NEDD4L: variants seen among roughly 807,000 people sequenced by gnomAD.
The protein encoded by NEDD4L is E3 ubiquitin-protein ligase NEDD4-like.
A neutral mutation model predicts 148.9 loss-of-function variants in NEDD4L; 54 were observed. The ratio of observed to expected loss-of-function variants is 0.36; its 90% CI spans 0.29 to 0.45. The LOEUF (loss-of-function observed/expected upper bound fraction) is 0.45, where lower values mean the gene tolerates loss of function less well. NEDD4L is among the 20% of genes least tolerant of loss of function. The pLI, the probability that NEDD4L is intolerant of heterozygous loss-of-function variation, is 1.00. For synonymous variants in NEDD4L, 433 were observed against 440.7 expected (o/e 0.98, Z 0.22); for missense variants, 856 against 1,233.8 (o/e 0.69, Z 4.59).
chr18:58,182,080 C>G (rs958276569), intron 2 of NEDD4L, among the ~76,000 whole-genome samples: 2 of 152,104 alleles, frequency 1.3e-5, no homozygotes, highest in African/African-American at 4.8e-5. Context: ...GATTTTCTCT[C>G]TGGATGCTTG....
chr18:58,064,871 C>T (rs1484499590), intron 1 of NEDD4L, among the ~76,000 whole-genome samples: 2 of 152,050 alleles, frequency 1.3e-5, no homozygotes, highest in Admixed American at 6.6e-5. Context: ...CTTTGGGAGG[C>T]GAAAGGATTG....
At chr18:58,120,331 A>G (rs1322605606) in intron 1 of NEDD4L, among the ~76,000 whole-genome samples, 1 of 152,178 alleles carries the variant, frequency 6.6e-6, no homozygotes, top group Admixed American at 6.5e-5. Flanking sequence ...TGGTTCTGCT[A>G]TTCATTGGCC....
rs1344619659 is a variant in NEDD4L at position 58,391,449 on chromosome 18, C to T, written c.2753-38C>T. Reference sequence around the variant, plus strand: ...ACACCATAGCTTCATTCTTCTGCCCCAAGCAATCTTAACATTTCTTTTTCT... The same window carrying T: ...ACACCATAGCTTCATTCTTCTGCCCTAAGCAATCTTAACATTTCTTTTTCT... On this transcript the variant is annotated intron_variant, in intron 29 of 30. Transcript: ENST00000400345. 6.2e-5 allele frequency: 93 copies of T among 1,491,192 alleles called. No homozygotes were observed. The Admixed American group carries it at 1.5e-3, about 24-fold the overall frequency. 92.4% of individuals were successfully genotyped at this position (1,491,192 alleles called of 1,614,324 possible).
intron 1 of NEDD4L, among the ~76,000 whole-genome samples, chr18:58,068,255 A>G (rs2082708241): frequency 7.1e-6 from 1 of 141,658 alleles, no homozygotes; most frequent in Admixed American, 7.6e-5. Context: ...GCTGGAGTGC[A>G]GTGGCATGAT....
At chr18:58,128,837 A>G (rs1282454008) in intron 1 of NEDD4L, among the ~76,000 whole-genome samples, 1 of 152,106 alleles carries the variant, frequency 6.6e-6, no homozygotes, top group Admixed American at 6.5e-5. Flanking sequence ...TCCTGGTTGA[A>G]CTTGGCCTTT....
At chr18:58,200,867 A>T (rs2041316587) in intron 2 of NEDD4L, among the ~76,000 whole-genome samples, 1 of 152,216 alleles carries the variant, frequency 6.6e-6, no homozygotes, top group East Asian at 1.9e-4. Context: ...ACAGATGCTG[A>T]ATCTATTACT....
At chr18:58,114,869 G>T (rs547112477) in intron 1 of NEDD4L, among the ~76,000 whole-genome samples, 1 of 152,294 alleles carries the variant, frequency 6.6e-6, no homozygotes, top group East Asian at 1.9e-4. Context: ...ATTCCCACAT[G>T]GTCACATCTC....
intron 12 of NEDD4L, 115 bp downstream of exon 12, chr18:58,334,007 A>G (rs1228711495): frequency 1.8e-5 from 11 of 602,538 alleles, no homozygotes; most frequent in African/African-American, 1.9e-5. Flanking sequence ...TATAAATGAG[A>G]TGTTTTTAAA....
At chr18:58,260,025 G>C (rs1323299645) in intron 5 of NEDD4L, among the ~76,000 whole-genome samples, 3 of 151,978 alleles carry the variant, frequency 2.0e-5, no homozygotes, top group African/African-American at 7.3e-5. Flanking sequence ...AAAATAACTC[G>C]AGTATCCAAT....
chr18:58,296,565 T>A (rs1033400427), intron 5 of NEDD4L, among the ~76,000 whole-genome samples: 1 of 152,228 alleles, frequency 6.6e-6, no homozygotes, highest in African/African-American at 2.4e-5. Context: ...GGCTCCAGCC[T>A]CTGCCGCTGG....
intron 20 of NEDD4L, among the ~76,000 whole-genome samples, chr18:58,365,108 C>CCCTCAGA (rs1382326202): frequency 6.6e-6 from 1 of 152,224 alleles, no homozygotes; most frequent in Non-Finnish European, 1.5e-5. Flanking sequence ...CTGGTTCCTC[C>CCCTCAGA]TGCCCGGGAA....
At chr18:58,295,515 A>G (rs1237375998) in intron 5 of NEDD4L, among the ~76,000 whole-genome samples, 3 of 152,222 alleles carry the variant, frequency 2.0e-5, no homozygotes, top group Non-Finnish European at 4.4e-5. Flanking sequence ...TTAGTCATTC[A>G]TCTACTGAAG....
intron 5 of NEDD4L, among the ~76,000 whole-genome samples, chr18:58,275,272 A>G (rs1006746834): frequency 6.6e-5 from 10 of 152,192 alleles, no homozygotes; most frequent in South Asian, 2.1e-4. Flanking sequence ...TGTAAAGTCT[A>G]CATCCTCACT....
chr18:58,271,467 T>TTTCC (rs2051034647), intron 5 of NEDD4L, among the ~76,000 whole-genome samples: 1 of 152,220 alleles, frequency 6.6e-6, no homozygotes, highest in South Asian at 2.1e-4. Flanking sequence ...AATGGCTACC[T>TTTCC]TTCCTCTGAA....
At chr18:58,373,114 C>A (rs2146336027) in intron 23 of NEDD4L, 60 bp from the exon 24 acceptor site, 2 of 872,816 alleles carry the variant, frequency 2.3e-6, no homozygotes, top group Non-Finnish European at 3.8e-6. Context: ...TTAAAGAAGT[C>A]AAATGAGTTT....
chr18:58,166,984 A>G (rs909490184), intron 2 of NEDD4L, among the ~76,000 whole-genome samples: 2 of 152,220 alleles, frequency 1.3e-5, no homozygotes, highest in African/African-American at 2.4e-5. Flanking sequence ...TTGATCATGC[A>G]TGATTGAGTT....
intron 2 of NEDD4L, chr18:58,195,463 C>T (rs764553406): frequency 7.5e-7 from 1 of 1,331,778 alleles, no homozygotes; most frequent in South Asian, 1.2e-5. Context: ...AGCTTCCAAC[C>T]CAGACAGGCT....
chr18:58,217,057 T>G (rs1483089809), intron 2 of NEDD4L, among the ~76,000 whole-genome samples: 2 of 152,260 alleles, frequency 1.3e-5, no homozygotes, highest in Non-Finnish European at 2.9e-5. Context: ...CATTTAAAGA[T>G]GCAGGAGACC....
intron 5 of NEDD4L, among the ~76,000 whole-genome samples, chr18:58,290,857 G>A (rs919758910): frequency 6.6e-5 from 10 of 152,078 alleles, no homozygotes; most frequent in Non-Finnish European, 1.3e-4. Context: ...AAACCCACTG[G>A]TGTGATGGTC....
Sources: gnomAD v4.1 joint callset for allele counts (sites outside exome capture counted in the v4.1 genomes callset) on GRCh38, gnomAD v4.1.1 for gene constraint, MANE v1.5 for transcripts, NCBI Gene and HGNC (gene_info 2026-07-23, HGNC 2026-07-21) for gene names.